DCC: variants seen among roughly 807,000 people sequenced by gnomAD.
The protein encoded by DCC is DCC netrin 1 receptor, also known as netrin receptor DCC.
A neutral mutation model predicts 172.5 loss-of-function variants in DCC; 58 were observed. The observed-to-expected ratio is 0.34, with a 90% confidence interval of 0.27 to 0.42. The LOEUF is 0.42. DCC is among the 10% of genes least tolerant of loss of function. The probability of loss-of-function intolerance (pLI) is 1.00; values close to 1 mark genes in which losing one functional copy is unlikely to be tolerated. For synonymous variants in DCC, 709 were observed against 644.5 expected, an observed-to-expected ratio of 1.10 and a Z score of -1.52; for missense variants, 1,740 against 1,791.0, an observed-to-expected ratio of 0.97 and a Z score of 0.51.
At chr18:53,157,590 G>T in intron 8 of DCC, 78 bp downstream of exon 8, 2 of 1,478,802 alleles carry the variant, frequency 1.4e-6, no homozygotes, top group Non-Finnish European at 1.9e-6. Flanking sequence ...GGCAGGAGGA[G>T]ATCTTGGGCA....
chr18:53,359,324 C>T (rs1038804463), intron 15 of DCC, among the ~76,000 whole-genome samples: 33 of 152,238 alleles, frequency 2.2e-4, no homozygotes, highest in African/African-American at 7.9e-4. Flanking sequence ...TGGGGACTTG[C>T]GTGCAAGTCA....
At chr18:52,393,322 C>A (rs115279425) in intron 1 of DCC, among the ~76,000 whole-genome samples, 1,686 of 152,196 alleles carry the variant, frequency 0.011, 21 homozygotes, top group African/African-American at 0.038. Context: ...GAAGAAAGCA[C>A]ATCAGATGGT....
At chr18:52,821,944 A>C (rs2038414624) in intron 2 of DCC, among the ~76,000 whole-genome samples, 1 of 152,246 alleles carries the variant, frequency 6.6e-6, no homozygotes, top group Non-Finnish European at 1.5e-5. Flanking sequence ...ATAATTTATC[A>C]ATAAGACAAA....
chr18:52,547,153 T>C (rs1271278250), intron 1 of DCC, among the ~76,000 whole-genome samples: 2 of 152,220 alleles, frequency 1.3e-5, no homozygotes, highest in African/African-American at 4.8e-5. Context: ...CTGACGTGAC[T>C]ATAATCTTCA....
intron 7 of DCC, among the ~76,000 whole-genome samples, chr18:53,154,066 C>T (rs117849624): frequency 6.6e-6 from 1 of 152,288 alleles, no homozygotes; most frequent in East Asian, 1.9e-4. Flanking sequence ...TAGGAACACA[C>T]TAGGCCATTG....
rs145923819 is a variant in DCC, at chr18:53,359,554, A to G, written c.2359+19647A>G. Among the ~76,000 whole-genome samples the G allele has an allele frequency of 5.8e-3, 885 of 152,304 alleles. 4 individuals carry two copies. Among genetic ancestry groups the G allele is most frequent in the Non-Finnish European group, 0.01 (688 of 68,016 alleles). On this transcript the variant is annotated intron_variant, in intron 15 of 28. Coordinates refer to ENST00000442544, the MANE Select transcript of DCC (RefSeq NM_005215.4). The stretch of plus-strand genomic sequence containing the variant: ...TTTGAATAGACTAAGCCTTTCTAAG[A>G]TGCAGTTTATTAATAGGAGATATTA...
intron 14 of DCC, among the ~76,000 whole-genome samples, chr18:53,334,906 A>G (rs1053464684): frequency 6.6e-6 from 1 of 152,156 alleles, no homozygotes; most frequent in Admixed American, 6.6e-5. Flanking sequence ...TGGATGTACA[A>G]ATATTTGTTT....
At chr18:53,145,534 C>T (rs947633623) in intron 7 of DCC, among the ~76,000 whole-genome samples, 1 of 139,566 alleles carries the variant, frequency 7.2e-6, no homozygotes, top group Non-Finnish European at 1.5e-5. Flanking sequence ...TACCAGACAT[C>T]GACTCTGATG....
rs148610008 is a variant in DCC, at chr18:52,353,312, G to T, written c.91+12434G>T. ...AAGAACGCATATTTTACAATGGTCT[G>T]CTGGTTTTCATTCCATAGTTTCCCC... On this transcript the variant is annotated intron_variant, in intron 1 of 28. Coordinates refer to ENST00000442544, the MANE Select transcript of DCC (RefSeq NM_005215.4). 8.2e-4 allele frequency among the ~76,000 whole-genome samples: 125 copies of T among 152,174 alleles called. 1 individual carries two copies. Among genetic ancestry groups the T allele is most frequent in the African/African-American group, 2.8e-3 (117 of 41,500 alleles).
chr18:53,470,796 C>A (rs1179253058), intron 25 of DCC, among the ~76,000 whole-genome samples: 1 of 152,096 alleles, frequency 6.6e-6, no homozygotes, highest in Non-Finnish European at 1.5e-5. Context: ...ACTCACTCAC[C>A]ATCACGAGGA....
At chr18:53,502,650 G>A (rs1471158814) in intron 27 of DCC, among the ~76,000 whole-genome samples, 2 of 152,048 alleles carry the variant, frequency 1.3e-5, no homozygotes, top group African/African-American at 4.8e-5. Context: ...TTTTACTGTG[G>A]ATTTCACAAG....
chr18:52,555,293 T>G (rs927000233), intron 1 of DCC, among the ~76,000 whole-genome samples: 1 of 152,134 alleles, frequency 6.6e-6, no homozygotes, highest in Non-Finnish European at 1.5e-5. Context: ...AGGTTTAAAA[T>G]TATCATCCAC....
intron 1 of DCC, among the ~76,000 whole-genome samples, chr18:52,610,179 ATATATATATATAT>A (rs1257141785): frequency 1.3e-3 from 11 of 8,740 alleles, no homozygotes; most frequent in East Asian, 5.2e-3. Flanking sequence ...AAAAAAAAAA[ATATATATATATAT>A]ATATATATAT....
chr18:52,873,484 G>T (rs1345070630), intron 2 of DCC, among the ~76,000 whole-genome samples: 1 of 152,202 alleles, frequency 6.6e-6, no homozygotes, highest in Non-Finnish European at 1.5e-5. Flanking sequence ...TTGGATTATA[G>T]CTTTAGCATA....
At chr18:53,143,033 T>A (rs2043853834) in intron 7 of DCC, among the ~76,000 whole-genome samples, 2 of 152,212 alleles carry the variant, frequency 1.3e-5, no homozygotes, top group Admixed American at 1.3e-4. Context: ...GTGTACTTCT[T>A]GCCACATAAT....
chr18:52,864,665 T>G (rs1285230630), intron 2 of DCC, among the ~76,000 whole-genome samples: 2 of 152,092 alleles, frequency 1.3e-5, no homozygotes, highest in African/African-American at 4.8e-5. Context: ...GTATTTCTCC[T>G]AATGCTATCC....
intron 1 of DCC, among the ~76,000 whole-genome samples, chr18:52,659,961 A>G (rs2035325580): frequency 6.6e-6 from 1 of 152,186 alleles, no homozygotes; most frequent in Non-Finnish European, 1.5e-5. Flanking sequence ...CTGAAACCCA[A>G]TGATTAAGTG....
intron 5 of DCC, among the ~76,000 whole-genome samples, chr18:53,015,781 T>C (rs1384720672): frequency 6.6e-6 from 1 of 152,082 alleles, no homozygotes; most frequent in Non-Finnish European, 1.5e-5. Context: ...GACAAACAAA[T>C]GCACTGAACT....
intron 1 of DCC, among the ~76,000 whole-genome samples, chr18:52,342,821 T>A (rs904361203): frequency 1.3e-5 from 2 of 152,216 alleles, no homozygotes; most frequent in Non-Finnish European, 2.9e-5. Flanking sequence ...TGGGGGTAGA[T>A]TAATAGAGAT....
Sources: allele counts gnomAD v4.1 joint callset (sites outside exome capture counted in the v4.1 genomes callset), GRCh38; gene constraint gnomAD v4.1.1; transcripts MANE v1.5; gene names NCBI Gene and HGNC (gene_info 2026-07-23, HGNC 2026-07-21).